The following PAN3 variants were observed in gnomAD, a reference collection of about 807,000 sequenced individuals.
The protein encoded by PAN3 is poly(A) specific ribonuclease subunit PAN3.
PAN3 carries 19 observed loss-of-function variants against 96.2 expected under a neutral mutation model. The ratio of observed to expected loss-of-function variants is 0.20; its 90% confidence interval spans 0.14 to 0.29. The LOEUF is 0.29. Among genes scored for constraint, PAN3 ranks in the 10% least tolerant of loss-of-function variants. The pLI is 1.00. For missense variants in PAN3, 882 were observed against 1,108.1 expected (o/e 0.80, Z 2.90); for synonymous variants, 433 against 406.6 (o/e 1.06, Z -0.78).
At chr13:28,170,940 G>A (rs542361052) in intron 1 of PAN3, among the ~76,000 whole-genome samples, 1 of 152,118 alleles carries the variant, frequency 6.6e-6, no homozygotes, top group Non-Finnish European at 1.5e-5. Context: ...GGGACTACAG[G>A]CATGCGCCAC....
chr13:28,166,928 A>C lies in PAN3; in HGVS notation c.431-7344A>C, dbSNP rs538972449. Among the ~76,000 whole-genome samples the C allele has an allele frequency of 3.3e-5, 5 of 152,284 alleles. No individual in the cohort carries two copies. In the South Asian group the frequency reaches 1.0e-3, roughly 32 times the overall value. ...CTCCCTAGAAAACAGTTTTGTGCTC[A>C]AGGCTCTGCCATTGTGGGCCTGTGG... On this transcript the variant is annotated intron_variant, in intron 1 of 18. Coordinates refer to ENST00000380958, the MANE Select transcript of PAN3 (RefSeq NM_175854.8).
In PAN3 at chr13:28,242,456, G is replaced by T. The variant is rs548400497; in HGVS notation, c.1001-13836G>T. 9.9e-5 allele frequency among the ~76,000 whole-genome samples: 15 copies of T among 152,126 alleles called. No individual in the cohort carries two copies. The South Asian group carries it at 3.1e-3, about 32-fold the overall frequency. ...ACATGTGTAGATGGGAATACAGAGA[G>T]GATTAAGGCACAGTTCTTCCCCATA... On this transcript the variant is annotated intron_variant, in intron 6 of 18. Transcript: ENST00000380958.
chr13:28,154,497 ATATT>A, intron 1 of PAN3, among the ~76,000 whole-genome samples: 2 of 151,606 alleles, frequency 1.3e-5, no homozygotes. Context: ...TATTTTTTAT[ATATT>A]TATTTATTTT....
intron 6 of PAN3, among the ~76,000 whole-genome samples, chr13:28,246,796 A>G (rs12870092): frequency 0.02 from 3,016 of 152,210 alleles, 65 homozygotes; most frequent in Admixed American, 0.03. Context: ...TATTGTATGT[A>G]TGTACCACAT....
chr13:28,182,794 A>G (rs892608568), intron 4 of PAN3, among the ~76,000 whole-genome samples: 20 of 152,146 alleles, frequency 1.3e-4, no homozygotes, highest in African/African-American at 4.8e-4. Flanking sequence ...GTTTGAACCT[A>G]GCTTGGGTCT....
intron 1 of PAN3, among the ~76,000 whole-genome samples, chr13:28,166,538 G>A (rs1873564571): frequency 6.6e-6 from 1 of 152,172 alleles, no homozygotes; most frequent in Admixed American, 6.5e-5. Flanking sequence ...TTGGATGCTG[G>A]TGGCTGCACA....
intron 6 of PAN3, among the ~76,000 whole-genome samples, chr13:28,248,713 G>A (rs1262163120): frequency 6.6e-6 from 1 of 152,086 alleles, no homozygotes; most frequent in Non-Finnish European, 1.5e-5. Context: ...AGTAGAGATG[G>A]GGTTTCACCA....
chr13:28,242,953 C>T (rs887072271), intron 6 of PAN3, among the ~76,000 whole-genome samples: 1 of 152,060 alleles, frequency 6.6e-6, no homozygotes, highest in Non-Finnish European at 1.5e-5. Flanking sequence ...TAATTGGTGT[C>T]TTTAAAAAAA....
At chr13:28,228,025 C>G (rs1169951338) in intron 6 of PAN3, among the ~76,000 whole-genome samples, 1 of 152,172 alleles carries the variant, frequency 6.6e-6, no homozygotes, top group East Asian at 1.9e-4. Context: ...GATCTTCCTT[C>G]CACCTTCTTC....
intron 6 of PAN3, among the ~76,000 whole-genome samples, chr13:28,250,902 T>C (rs959189293): frequency 6.6e-6 from 1 of 152,186 alleles, no homozygotes; most frequent in Non-Finnish European, 1.5e-5. Context: ...GCTTCTCCAG[T>C]ATTCTTTTCT....
intron 1 of PAN3, among the ~76,000 whole-genome samples, chr13:28,139,805 C>T (rs1233093328): frequency 1.3e-5 from 2 of 152,044 alleles, no homozygotes; most frequent in Admixed American, 1.3e-4. Flanking sequence ...AGCTGGGATC[C>T]TGTCTTCTAT....
intron 6 of PAN3, among the ~76,000 whole-genome samples, chr13:28,250,173 G>T (rs1272426029): frequency 6.6e-6 from 1 of 150,884 alleles, no homozygotes; most frequent in Non-Finnish European, 1.5e-5. Context: ...TGCATAATTG[G>T]TAGAAAGGAC....
At chr13:28,192,358 G>C (rs896370632) in intron 4 of PAN3, among the ~76,000 whole-genome samples, 16 of 152,134 alleles carry the variant, frequency 1.1e-4, no homozygotes, top group Non-Finnish European at 1.8e-4. Flanking sequence ...GTGAGCCACC[G>C]TGCCTGGCCA....
intron 6 of PAN3, among the ~76,000 whole-genome samples, chr13:28,242,741 G>A (rs1883800165): frequency 6.6e-6 from 1 of 152,158 alleles, no homozygotes; most frequent in Non-Finnish European, 1.5e-5. Context: ...TCAATCTTTA[G>A]AGAATTTGAA....
chr13:28,240,125 T>G (rs1344956669), intron 6 of PAN3: 1 of 152,264 alleles, frequency 6.6e-6, no homozygotes, highest in African/African-American at 2.4e-5. Flanking sequence ...TGAGTATATT[T>G]TGGCTTATGG....
intron 9 of PAN3, 98 bp from the exon 10 acceptor site, chr13:28,266,616 TA>T: frequency 1.1e-6 from 1 of 912,038 alleles, no homozygotes; most frequent in Non-Finnish European, 1.6e-6. Context: ...CACATTGTGA[TA>T]CACAAGGGGT....
chr13:28,261,932 G>A (rs573718889), intron 9 of PAN3, among the ~76,000 whole-genome samples: 5 of 150,984 alleles, frequency 3.3e-5, no homozygotes, highest in Non-Finnish European at 5.9e-5. Context: ...CACAAAAAAA[G>A]TATATAATTT....
At chr13:28,261,552 G>C in intron 9 of PAN3, 94 bp downstream of exon 9, 1 of 1,153,092 alleles carries the variant, frequency 8.7e-7, no homozygotes, top group South Asian at 1.6e-5. Flanking sequence ...AGAGTTCCAG[G>C]CTGGGCCTGG....
At chr13:28,142,302 C>A (rs1481949752) in intron 1 of PAN3, among the ~76,000 whole-genome samples, 1 of 152,034 alleles carries the variant, frequency 6.6e-6, no homozygotes, top group East Asian at 1.9e-4. Flanking sequence ...TTACTGTATT[C>A]TCATTCAGTG....
Sources: gnomAD v4.1 joint callset for allele counts (sites outside exome capture counted in the v4.1 genomes callset) on GRCh38, gnomAD v4.1.1 for gene constraint, MANE v1.5 for transcripts, NCBI Gene and HGNC (gene_info 2026-07-23, HGNC 2026-07-21) for gene names.